The following PPP2R3A variants were observed in gnomAD, a reference collection of about 807,000 sequenced individuals.
PPP2R3A encodes serine/threonine-protein phosphatase 2A regulatory subunit B'' subunit alpha.
Under a neutral mutation model 106.9 loss-of-function variants are expected in PPP2R3A, and 80 were observed. That is an observed-to-expected ratio of 0.75 (90% CI 0.62 to 0.90). The LOEUF (loss-of-function observed/expected upper bound fraction) is 0.90, where lower values mean the gene tolerates loss of function less well. Ranked by LOEUF, PPP2R3A falls within the 40% of genes least tolerant of loss-of-function variation. The pLI is 0.00. For synonymous variants in PPP2R3A, 483 were observed against 468.3 expected (o/e 1.03, Z -0.41); for missense variants, 1,386 against 1,350.4 (o/e 1.03, Z -0.41).
chr3:136,009,392 A>G (rs1288499767), intron 2 of PPP2R3A, among the ~76,000 whole-genome samples: 1 of 152,030 alleles, frequency 6.6e-6, no homozygotes, highest in East Asian at 1.9e-4. Context: ...AACCCAGGTC[A>G]CTTATTTCTT....
At chr3:136,145,007 T>C in intron 13 of PPP2R3A, 36 bp from the exon 14 acceptor site, 1 of 1,595,616 alleles carries the variant, frequency 6.3e-7, no homozygotes, top group Non-Finnish European at 8.5e-7. Flanking sequence ...CTTTAATCAA[T>C]CAATCAGTTA....
At chr3:136,025,640 A>G (rs2107820611) in intron 2 of PPP2R3A, among the ~76,000 whole-genome samples, 1 of 152,258 alleles carries the variant, frequency 6.6e-6, no homozygotes, top group South Asian at 2.1e-4. Context: ...CTATATGTTA[A>G]GAAATATGAT....
At chr3:136,074,884 A>T (rs116024651) in intron 6 of PPP2R3A, among the ~76,000 whole-genome samples, 2,659 of 152,306 alleles carry the variant, frequency 0.017, 70 homozygotes, top group African/African-American at 0.056. Flanking sequence ...TTTTTGTTAG[A>T]TATATTTTTT....
intron 3 of PPP2R3A, among the ~76,000 whole-genome samples, chr3:136,034,150 C>T (rs529604947): frequency 7.9e-5 from 12 of 151,944 alleles, no homozygotes; most frequent in Admixed American, 6.6e-4. Context: ...ATTCTCCTGC[C>T]TCAGCCTCCT....
intron 13 of PPP2R3A, chr3:136,106,978 A>AAG (rs1251258917): frequency 6.6e-5 from 10 of 151,886 alleles, no homozygotes; most frequent in African/African-American, 2.4e-4. Flanking sequence ...AATAATAATA[A>AAG]AGATGATCAT....
chr3:136,138,778 CT>C (rs1358673605), intron 13 of PPP2R3A, among the ~76,000 whole-genome samples: 1 of 125,016 alleles, frequency 8.0e-6, no homozygotes, highest in Non-Finnish European at 1.6e-5. Context: ...GTGGCACAAT[CT>C]CAGCTCACAG....
At chr3:136,122,477 G>C (rs1464086618) in intron 13 of PPP2R3A, among the ~76,000 whole-genome samples, 1 of 152,154 alleles carries the variant, frequency 6.6e-6, no homozygotes, top group Admixed American at 6.5e-5. Context: ...CCCTCCTGCA[G>C]TTAAATATAT....
At chr3:136,033,123 A>G (rs746754420) in intron 3 of PPP2R3A, among the ~76,000 whole-genome samples, 18 of 152,320 alleles carry the variant, frequency 1.2e-4, no homozygotes, top group Middle Eastern at 3.4e-3. Flanking sequence ...TTCTCCATTT[A>G]TTGAGATGAT....
chr3:136,053,360 CA>C (rs1046757080), intron 5 of PPP2R3A, among the ~76,000 whole-genome samples: 4 of 147,754 alleles, frequency 2.7e-5, no homozygotes, highest in Non-Finnish European at 4.5e-5. Context: ...TTATATGGAT[CA>C]AAAAAAAAGA....
chr3:136,140,679 C>G (rs1311444951), intron 13 of PPP2R3A, among the ~76,000 whole-genome samples: 1 of 150,414 alleles, frequency 6.6e-6, no homozygotes, highest in Non-Finnish European at 1.5e-5. Context: ...ACCCCGGAGG[C>G]AGAGTTTGCA....
At chr3:136,118,464 A>G (rs753489274) in intron 13 of PPP2R3A, among the ~76,000 whole-genome samples, 1 of 152,240 alleles carries the variant, frequency 6.6e-6, no homozygotes, top group Middle Eastern at 3.2e-3. Flanking sequence ...ACATGATTGT[A>G]TATTTAGAAA....
chr3:136,047,745 C>T (rs951486139), intron 4 of PPP2R3A, among the ~76,000 whole-genome samples: 7 of 151,278 alleles, frequency 4.6e-5, no homozygotes, highest in African/African-American at 1.7e-4. Context: ...ACTAAAAATA[C>T]AAAAAAAAAT....
At chr3:136,101,354 C>T (rs987624919) in intron 10 of PPP2R3A, among the ~76,000 whole-genome samples, 1 of 152,122 alleles carries the variant, frequency 6.6e-6, no homozygotes, top group African/African-American at 2.4e-5. Flanking sequence ...AAAGTGGTGA[C>T]AAATTACAGA....
At chr3:136,139,629 G>T (rs957541001) in intron 13 of PPP2R3A, among the ~76,000 whole-genome samples, 1 of 149,536 alleles carries the variant, frequency 6.7e-6, no homozygotes, top group African/African-American at 2.5e-5. Flanking sequence ...GGAGGCAGAG[G>T]TTGCAGTGAG....
chr3:135,994,067 T>C (rs1442818231), intron 1 of PPP2R3A, among the ~76,000 whole-genome samples: 1 of 152,242 alleles, frequency 6.6e-6, no homozygotes, highest in South Asian at 2.1e-4. Context: ...TTTTATTGTA[T>C]GTAAATTATC....
At chr3:136,083,561 G>T (rs1449820088) in intron 8 of PPP2R3A, among the ~76,000 whole-genome samples, 1 of 152,196 alleles carries the variant, frequency 6.6e-6, no homozygotes, top group Non-Finnish European at 1.5e-5. Flanking sequence ...CATGAGAACA[G>T]ACTAATATAG....
chr3:136,036,417 G>C (rs1559881618), intron 3 of PPP2R3A, among the ~76,000 whole-genome samples: 3 of 152,160 alleles, frequency 2.0e-5, no homozygotes, highest in Non-Finnish European at 4.4e-5. Context: ...GTGTTCCCTT[G>C]ATTTAGTACT....
intron 2 of PPP2R3A, among the ~76,000 whole-genome samples, chr3:136,021,465 A>G (rs749522225): frequency 2.0e-5 from 3 of 152,164 alleles, no homozygotes; most frequent in Admixed American, 1.3e-4. Context: ...AGCCTAATGT[A>G]TACATTAGAA....
At chr3:135,967,619 C>A (rs1299316116) in intron 1 of PPP2R3A, among the ~76,000 whole-genome samples, 1 of 152,180 alleles carries the variant, frequency 6.6e-6, no homozygotes, top group African/African-American at 2.4e-5. Flanking sequence ...TTCAGAGACT[C>A]CTCCTTGCTC....
Sources: gnomAD v4.1 joint callset for allele counts (sites outside exome capture counted in the v4.1 genomes callset) on GRCh38, gnomAD v4.1.1 for gene constraint, MANE v1.5 for transcripts, NCBI Gene and HGNC (gene_info 2026-07-23, HGNC 2026-07-21) for gene names.